The following YTHDC2 variants were observed in gnomAD, a reference collection of about 807,000 sequenced individuals.
YTHDC2 encodes YTH N6-methyladenosine RNA binding protein C2.
YTHDC2 carries 45 observed loss-of-function variants against 174.9 expected under a neutral mutation model. That is an observed-to-expected ratio of 0.26 (90% CI 0.20 to 0.33). YTHDC2 has a LOEUF of 0.33. Among genes scored for constraint, YTHDC2 ranks in the 10% least tolerant of loss-of-function variants. The probability of loss-of-function intolerance (pLI) is 1.00; values close to 1 mark genes in which losing one functional copy is unlikely to be tolerated. For missense variants in YTHDC2, 1,650 were observed against 1,723.7 expected (o/e 0.96, Z 0.76); for synonymous variants, 657 against 574.5 (o/e 1.14, Z -2.05).
Position 113,535,666 on chromosome 5 carries a change from T to C in YTHDC2, c.970T>C (p.Phe324Leu), listed in dbSNP as rs200293288. The change falls in exon 7 of 30, where the codon TTT (phenylalanine) becomes CTT (leucine). Residue 324 changes from phenylalanine to leucine, a missense_variant. This residue lies in a region of YTHDC2 where 411 missense variants were observed against 380.6 expected (regional missense o/e 1.08). Coordinates refer to ENST00000161863, the MANE Select transcript of YTHDC2 (RefSeq NM_022828.5). ...IVDEVHERDR[F>L]SDFLLTKLRD... ...GGATGAAGTGCATGAAAGGGATCGA[T>C]TTAGTGATTTTTTACTTACAAAGTT... The C allele has an allele frequency of 2.3e-4, 367 of 1,613,316 alleles. No individual in the cohort carries two copies. The Admixed American group carries it at 2.7e-3, about 12-fold the overall frequency.
chr5:113,544,176 GTC>G (rs1243323808), intron 10 of YTHDC2, among the ~76,000 whole-genome samples: 1 of 152,204 alleles, frequency 6.6e-6, no homozygotes, highest in Middle Eastern at 3.4e-3. Context: ...TTGAGACAAA[GTC>G]TCTCTCTGTC....
chr5:113,589,408 A>AAAATATATATATATATATATATATAT (rs368975720), intron 26 of YTHDC2, among the ~76,000 whole-genome samples: 3 of 123,244 alleles, frequency 2.4e-5, no homozygotes, highest in African/African-American at 1.0e-4. Context: ...AAAAAAAAAA[A>AAAATATATATATATATATATATATAT]ATATATATAT....
intron 4 of YTHDC2, among the ~76,000 whole-genome samples, chr5:113,532,640 C>T (rs934992315): frequency 1.1e-4 from 17 of 152,042 alleles, no homozygotes; most frequent in African/African-American, 3.9e-4. Context: ...TTCATGTAAA[C>T]CTTAAATATT....
In YTHDC2 at chr5:113,594,131, A is replaced by G. The variant is rs1779144870; in HGVS notation, c.*657A>G. On this transcript the variant is annotated 3_prime_UTR_variant, in exon 30 of 30. Coordinates refer to ENST00000161863, the MANE Select transcript of YTHDC2 (RefSeq NM_022828.5). ...AAGGGCAAAGTTTCTTCCTGATCAGATTAGATTAAGTGCTTAGTTTTATTC... is the reference window on the plus strand; with the variant it reads ...AAGGGCAAAGTTTCTTCCTGATCAGGTTAGATTAAGTGCTTAGTTTTATTC... The G allele has an allele frequency of 6.6e-6, 1 of 152,150 alleles. No homozygotes were observed. The highest frequency in any genetic ancestry group is 1.5e-5 in the Non-Finnish European group (1 of 68,028). The allele number at this position is 152,150 out of a possible 1,614,324, so 9.4% of individuals were successfully genotyped here. A position where few individuals can be genotyped will look rare whatever the true frequency, so the allele number is the denominator to read the frequency against.
intron 2 of YTHDC2, among the ~76,000 whole-genome samples, chr5:113,521,392 A>G (rs1192814973): frequency 6.6e-6 from 1 of 152,218 alleles, no homozygotes; most frequent in Admixed American, 6.5e-5. Context: ...TAGAACAGAA[A>G]TATTGGATAG....
At chr5:113,543,054 A>G (rs972088257) in intron 10 of YTHDC2, among the ~76,000 whole-genome samples, 3 of 152,182 alleles carry the variant, frequency 2.0e-5, no homozygotes, top group Non-Finnish European at 4.4e-5. Flanking sequence ...TCAATCCTTA[A>G]GACCTTAATT....
intron 27 of YTHDC2, among the ~76,000 whole-genome samples, chr5:113,591,594 A>G (rs1263168452): frequency 6.6e-6 from 1 of 152,134 alleles, no homozygotes; most frequent in African/African-American, 2.4e-5. Context: ...TAAACTAAGT[A>G]TGTTTCTTAA....
chr5:113,530,541 A>G (rs900970097), intron 4 of YTHDC2, among the ~76,000 whole-genome samples: 1 of 152,284 alleles, frequency 6.6e-6, no homozygotes, highest in Middle Eastern at 3.4e-3. Context: ...TTAAATAACA[A>G]AATAACCCTA....
intron 2 of YTHDC2, 53 bp from the exon 3 acceptor site, chr5:113,524,928 A>G (rs1395215705): frequency 7.5e-7 from 1 of 1,338,486 alleles, no homozygotes; most frequent in African/African-American, 1.5e-5. Flanking sequence ...CATACATCAT[A>G]TGTGAACAAG....
chr5:113,521,166 T>C (rs1773836448), intron 2 of YTHDC2, among the ~76,000 whole-genome samples: 1 of 152,212 alleles, frequency 6.6e-6, no homozygotes, highest in African/African-American at 2.4e-5. Flanking sequence ...CAGTCTACCA[T>C]GGATCATAAC....
intron 26 of YTHDC2, among the ~76,000 whole-genome samples, chr5:113,589,031 G>T (rs769556054): frequency 6.6e-6 from 1 of 151,936 alleles, no homozygotes; most frequent in Non-Finnish European, 1.5e-5. Flanking sequence ...TACATAGTCA[G>T]TTACCTTTAT....
chr5:113,574,574 A>G lies in YTHDC2; in HGVS notation c.3245-5012A>G, dbSNP rs1229114295. Among the ~76,000 whole-genome samples, 6 of 152,232 alleles carry G rather than the reference A, an allele frequency of 3.9e-5. No individual in the cohort carries two copies. The East Asian group carries it at 9.7e-4, about 25-fold the overall frequency. ...GGAGTGGCTGAGTCAACCAAACCAC[A>G]AAGATAGCAGCCACCCCTCCCCCTG... is the stretch of plus-strand genomic sequence containing the variant. On this transcript the variant is annotated intron_variant, in intron 23 of 29. Coordinates refer to ENST00000161863, the MANE Select transcript of YTHDC2 (RefSeq NM_022828.5).
At chr5:113,579,075 G>A (rs1473794631) in intron 23 of YTHDC2, among the ~76,000 whole-genome samples, 2 of 151,084 alleles carry the variant, frequency 1.3e-5, no homozygotes, top group African/African-American at 2.4e-5. Context: ...CAAAGAACTG[G>A]GTTATAGTTT....
intron 26 of YTHDC2, among the ~76,000 whole-genome samples, chr5:113,589,782 T>C (rs1342248009): frequency 6.6e-6 from 1 of 152,112 alleles, no homozygotes; most frequent in African/African-American, 2.4e-5. Context: ...TATGTTCAAG[T>C]TTTCCTCTAC....
intron 17 of YTHDC2, among the ~76,000 whole-genome samples, chr5:113,557,508 G>A (rs1776691674): frequency 6.6e-6 from 1 of 152,096 alleles, no homozygotes; most frequent in African/African-American, 2.4e-5. Flanking sequence ...ATTATTGTGG[G>A]TAAGGCTGGG....
In YTHDC2 at chr5:113,513,824, A is replaced by C; in HGVS notation, c.-72A>C. Reference sequence around the variant, plus strand: ...TTCCCGGTAGTGGCCCCGGATTCCCACGGTCTTTGTCATTGGCTGTCAGCT... The same window carrying C: ...TTCCCGGTAGTGGCCCCGGATTCCCCCGGTCTTTGTCATTGGCTGTCAGCT... On this transcript the variant is annotated 5_prime_UTR_variant, in exon 1 of 30. Transcript: ENST00000161863. 1 of 1,470,616 alleles carries C rather than the reference A, an allele frequency of 6.8e-7. No homozygotes were observed. Among genetic ancestry groups the C allele is most frequent in the Non-Finnish European group, 9.0e-7 (1 of 1,111,914 alleles). 91.1% of individuals were successfully genotyped at this position (1,470,616 alleles called of 1,614,324 possible). A position where few individuals can be genotyped will look rare whatever the true frequency, so the allele number is the denominator to read the frequency against.
intron 2 of YTHDC2, chr5:113,517,621 A>G (rs1169333443): frequency 1.3e-5 from 6 of 456,300 alleles, no homozygotes; most frequent in South Asian, 6.2e-5. Context: ...AATCCTGCCT[A>G]TTTATCCAGT....
In YTHDC2 at chr5:113,567,130, G is replaced by C. The variant is rs768733316; in HGVS notation, c.2881G>C (p.Val961Leu). The C allele has an allele frequency of 6.2e-7, 1 of 1,613,694 alleles. No homozygotes were observed. ...RARGGGDIRD[V>L]NTNSENWAVV... The stretch of plus-strand genomic sequence containing the variant: ...ACGAGGTGGTGGTGACATTCGGGAC[G>C]TTAACACAAACTCTGAGAATTGGGC... The change falls in exon 22 of 30, where the codon GTT (valine) becomes CTT (leucine). Residue 961 changes from valine to leucine, a missense_variant. Physicochemically the swap from Val to Leu is conservative, Grantham distance 32 (BLOSUM62 1). Coordinates refer to ENST00000161863, the MANE Select transcript of YTHDC2 (RefSeq NM_022828.5).
At chr5:113,526,827 A>G (rs1774285146) in intron 4 of YTHDC2, 42 bp downstream of exon 4, 2 of 127,482 alleles carry the variant, frequency 1.6e-5, no homozygotes, top group Admixed American at 1.6e-4. Flanking sequence ...AAAAAAAAAA[A>G]TATATATATA....
Sources: allele counts gnomAD v4.1 joint callset (sites outside exome capture counted in the v4.1 genomes callset), GRCh38; gene constraint gnomAD v4.1.1; regional missense constraint gnomAD v4.1.1; transcripts MANE v1.5; gene names NCBI Gene and HGNC (gene_info 2026-07-23, HGNC 2026-07-21).